Variants in MAF observed in about 807,000 individuals in gnomAD.
The protein encoded by MAF is MAF bZIP transcription factor, also known as transcription factor Maf.
In MAF, 10 loss-of-function variants were observed where a neutral mutation model predicts 22.0. That is an observed-to-expected ratio of 0.45 (90% CI 0.28 to 0.77). The LOEUF (loss-of-function observed/expected upper bound fraction) is 0.77, where lower values mean the gene tolerates loss of function less well. MAF is among the 30% of genes least tolerant of loss of function. The pLI, the probability that MAF is intolerant of heterozygous loss-of-function variation, is 0.12. For synonymous variants in MAF, 337 were observed against 255.8 expected (o/e 1.32, Z -3.03); for missense variants, 544 against 548.4 (o/e 0.99, Z 0.08).
chr16:79,422,002 T>C, the MAF span, among the ~76,000 whole-genome samples: 1 of 152,202 alleles, frequency 6.6e-6, no homozygotes, highest in Non-Finnish European at 1.5e-5. Flanking sequence ...GGTCTCGAAC[T>C]CCTGAACTCA....
the MAF span, among the ~76,000 whole-genome samples, chr16:79,331,416 C>G: frequency 6.6e-6 from 1 of 152,320 alleles, no homozygotes; most frequent in Non-Finnish European, 1.5e-5. Context: ...ATTTCTTAAT[C>G]TCCTTCACCC....
the MAF span, among the ~76,000 whole-genome samples, chr16:79,323,600 C>T: frequency 6.6e-6 from 1 of 152,104 alleles, no homozygotes; most frequent in Non-Finnish European, 1.5e-5. Context: ...CCATGGGCAC[C>T]GGAAAGGGTG....
At chr16:79,223,711 A>G in the MAF span, among the ~76,000 whole-genome samples, 3 of 152,336 alleles carry the variant, frequency 2.0e-5, no homozygotes, top group Admixed American at 2.0e-4. Context: ...ACAAACTACC[A>G]TCAGAGAATA....
chr16:79,509,347 A>G, the MAF span, among the ~76,000 whole-genome samples: 1 of 152,212 alleles, frequency 6.6e-6, no homozygotes, highest in African/African-American at 2.4e-5. Flanking sequence ...GTGAGGAAGG[A>G]AGCCACAAGA....
At chr16:79,295,435 T>C in the MAF span, among the ~76,000 whole-genome samples, 2 of 152,172 alleles carry the variant, frequency 1.3e-5, no homozygotes, top group African/African-American at 2.4e-5. Context: ...GAAAGCCAGA[T>C]TGGTTACAGC....
At chr16:79,512,562 C>A in the MAF span, among the ~76,000 whole-genome samples, 1 of 152,280 alleles carries the variant, frequency 6.6e-6, no homozygotes, top group Non-Finnish European at 1.5e-5. Context: ...TCTGAGCTGA[C>A]TCTCTTCTGA....
the MAF span, among the ~76,000 whole-genome samples, chr16:79,377,613 C>A: frequency 6.6e-6 from 1 of 152,146 alleles, no homozygotes; most frequent in Admixed American, 6.5e-5. Context: ...ATGCCTATGT[C>A]CTGAATGGTA....
chr16:79,367,915 G>A, the MAF span, among the ~76,000 whole-genome samples: 40 of 152,184 alleles, frequency 2.6e-4, no homozygotes, highest in African/African-American at 8.9e-4. Flanking sequence ...TCTGCCAGAG[G>A]AGAAATGCTT....
the MAF span, among the ~76,000 whole-genome samples, chr16:79,494,479 A>T: frequency 6.6e-6 from 1 of 152,220 alleles, no homozygotes; most frequent in East Asian, 1.9e-4. Context: ...CTCTGGGACC[A>T]CACCCAAGAC....
intron 1 of MAF, chr16:79,596,623 A>G: frequency 9.6e-7 from 1 of 1,041,128 alleles, no homozygotes; most frequent in Non-Finnish European, 1.2e-6. Context: ...CAAAATATGT[A>G]AAAGAAAAGT....
At position 79,599,086 on chromosome 16, in the gene MAF, C is replaced by G. The variant is rs1458866088; in HGVS notation, c.817G>C (p.Glu273Gln). Residue 273 changes from glutamate to glutamine, a missense_variant, in exon 1 of 2, where the codon GAG (glutamate) becomes CAG (glutamine). This residue lies in a region of MAF where 342 missense variants were observed against 315.5 expected (regional missense o/e 1.08). Coordinates refer to ENST00000326043, the MANE Select transcript of MAF (RefSeq NM_005360.5). ...DEQLVTMSVR[E>Q]LNRQLRGVSK... ...ACCCCGCGCAGCTGCCGGTTCAGCT[C>G]GCGCACAGACATGGTCACCAGCTGC... The G allele has an allele frequency of 6.2e-7, 1 of 1,609,040 alleles. No individual in the cohort carries two copies. Among genetic ancestry groups the G allele is most frequent in the East Asian group, 2.2e-5 (1 of 44,736 alleles).
At chr16:79,212,165 G>T in the MAF span, 2 of 1,493,768 alleles carry the variant, frequency 1.3e-6, no homozygotes, top group Middle Eastern at 1.8e-4. Context: ...CTACCACCAC[G>T]GCCACCACTG....
the MAF span, among the ~76,000 whole-genome samples, chr16:79,502,840 G>T: frequency 6.7e-6 from 1 of 148,702 alleles, no homozygotes; most frequent in Admixed American, 6.7e-5. Context: ...ACTCTGTAGG[G>T]TGATGGAAAT....
chr16:79,333,658 G>T, the MAF span, among the ~76,000 whole-genome samples: 1 of 152,212 alleles, frequency 6.6e-6, no homozygotes, highest in African/African-American at 2.4e-5. Flanking sequence ...AAGAAAAGAA[G>T]AGACAATCTA....
the MAF span, chr16:79,211,508 C>T: frequency 3.4e-6 from 5 of 1,487,592 alleles, no homozygotes; most frequent in South Asian, 1.2e-5. Context: ...GAAACTGAAC[C>T]AGGTGGGGGA....
the MAF span, among the ~76,000 whole-genome samples, chr16:79,403,165 C>G: frequency 2.0e-5 from 3 of 152,338 alleles, no homozygotes; most frequent in South Asian, 2.1e-4. Flanking sequence ...CCAGCACCTT[C>G]TGGCATGTCG....
the MAF span, among the ~76,000 whole-genome samples, chr16:79,487,318 G>A: frequency 1.1e-3 from 166 of 152,084 alleles, no homozygotes; most frequent in African/African-American, 4.0e-3. Context: ...GGGAGGCATC[G>A]ACGGAAAGCA....
the MAF span, among the ~76,000 whole-genome samples, chr16:79,312,434 T>A: frequency 6.6e-6 from 1 of 152,196 alleles, no homozygotes. Context: ...CCTCCATACA[T>A]GCATTTCACG....
the MAF span, among the ~76,000 whole-genome samples, chr16:79,224,744 G>A: frequency 2.0e-5 from 3 of 152,160 alleles, no homozygotes; most frequent in Admixed American, 6.5e-5. Flanking sequence ...AAAATCATGA[G>A]TGAACTCCTA....
Sources: gnomAD v4.1 joint callset for allele counts (sites outside exome capture counted in the v4.1 genomes callset) on GRCh38, gnomAD v4.1.1 for gene constraint, gnomAD v4.1.1 regional missense constraint, MANE v1.5 for transcripts, NCBI Gene and HGNC (gene_info 2026-07-23, HGNC 2026-07-21) for gene names.